Variants in PCDHA7 observed in about 807,000 individuals in gnomAD.
PCDHA7 encodes the protein protocadherin alpha-7.
A neutral mutation model predicts 57.2 loss-of-function variants in PCDHA7; 37 were observed. The observed-to-expected ratio is 0.65, with a 90% CI of 0.50 to 0.85. The LOEUF (loss-of-function observed/expected upper bound fraction) is 0.85, where lower values mean the gene tolerates loss of function less well. Among genes scored for constraint, PCDHA7 ranks in the 40% least tolerant of loss-of-function variants. The pLI is 0.00. For synonymous variants in PCDHA7, 553 were observed against 558.8 expected (o/e 0.99, Z 0.15); for missense variants, 1,188 against 1,241.8 (o/e 0.96, Z 0.65).
chr5:140,939,807 C>G (rs927084385), intron 1 of PCDHA7, among the ~76,000 whole-genome samples: 1 of 152,088 alleles, frequency 6.6e-6, no homozygotes, highest in African/African-American at 2.4e-5. Context: ...TCTGCATGTT[C>G]AAGAAAAAGC....
chr5:140,867,956 C>T (rs1581824842), intron 1 of PCDHA7: 1 of 151,940 alleles, frequency 6.6e-6, no homozygotes, highest in East Asian at 1.9e-4. Context: ...GCTCCCAAAC[C>T]CAAAATTCTT....
chr5:140,982,678 C>T (rs781968397), intron 3 of PCDHA7, 115 bp downstream of exon 3: 29 of 1,438,778 alleles, frequency 2.0e-5, no homozygotes, highest in Non-Finnish European at 2.6e-5. Context: ...TTTGTTATTC[C>T]CTTTTTTCCA....
intron 1 of PCDHA7, among the ~76,000 whole-genome samples, chr5:140,975,935 C>T (rs1351802479): frequency 6.6e-6 from 1 of 152,060 alleles, no homozygotes; most frequent in East Asian, 1.9e-4. Flanking sequence ...ACCTTTGAAG[C>T]AATAGGACAT....
chr5:140,898,035 TG>T (rs1376690690), intron 1 of PCDHA7, among the ~76,000 whole-genome samples: 1 of 152,120 alleles, frequency 6.6e-6, no homozygotes, highest in Non-Finnish European at 1.5e-5. Flanking sequence ...TTGATGGGGT[TG>T]TTTGTTTTTT....
At chr5:140,943,770 A>G (rs1290673049) in intron 1 of PCDHA7, among the ~76,000 whole-genome samples, 16 of 152,384 alleles carry the variant, frequency 1.0e-4, no homozygotes, top group African/African-American at 3.8e-4. Context: ...TAGGAAAAAA[A>G]CTAGGAAGTG....
intron 1 of PCDHA7, among the ~76,000 whole-genome samples, chr5:140,953,877 ACCCATCAC>A (rs1252251050): frequency 6.6e-6 from 1 of 152,098 alleles, no homozygotes; most frequent in Non-Finnish European, 1.5e-5. Context: ...GCACAGATCA[ACCCATCAC>A]CTAGGTATTA....
At chr5:140,908,662 G>C (rs1489476593) in intron 1 of PCDHA7, among the ~76,000 whole-genome samples, 4 of 152,114 alleles carry the variant, frequency 2.6e-5, no homozygotes, top group Non-Finnish European at 4.4e-5. Context: ...CCTGCCAAAG[G>C]CTCCAAATAG....
intron 1 of PCDHA7, among the ~76,000 whole-genome samples, chr5:140,917,128 C>T (rs2077898518): frequency 6.6e-6 from 1 of 152,044 alleles, no homozygotes; most frequent in Non-Finnish European, 1.5e-5. Flanking sequence ...GCAGACTCCC[C>T]ACGTTGCTCA....
At chr5:140,841,797 A>T in intron 1 of PCDHA7, 1 of 1,613,936 alleles carries the variant, frequency 6.2e-7, no homozygotes, top group Non-Finnish European at 8.5e-7. Flanking sequence ...GGCGCGTCCG[A>T]TGCAGATGTT....
chr5:140,917,333 G>T (rs1301739777), intron 1 of PCDHA7, among the ~76,000 whole-genome samples: 6 of 148,632 alleles, frequency 4.0e-5, no homozygotes, highest in East Asian at 2.0e-4. Context: ...GCGGGGGAGG[G>T]GGGGGATGGT....
At chr5:140,980,076 G>A (rs2096875671) in intron 2 of PCDHA7, among the ~76,000 whole-genome samples, 1 of 152,214 alleles carries the variant, frequency 6.6e-6, no homozygotes, top group South Asian at 2.1e-4. Flanking sequence ...AAGGGCTGAA[G>A]ATTAGTAGTT....
chr5:140,895,692 A>G (rs1367486030), intron 1 of PCDHA7, among the ~76,000 whole-genome samples: 1 of 152,138 alleles, frequency 6.6e-6, no homozygotes, highest in African/African-American at 2.4e-5. Flanking sequence ...CTGTTTCTAT[A>G]TTAATTCACT....
chr5:140,934,915 A>G (rs1324840546), intron 1 of PCDHA7, among the ~76,000 whole-genome samples: 3 of 152,132 alleles, frequency 2.0e-5, no homozygotes, highest in Non-Finnish European at 4.4e-5. Context: ...ATAATTATGG[A>G]TTCACATAAA....
At chr5:140,846,406 G>A (rs1191758509) in intron 1 of PCDHA7, among the ~76,000 whole-genome samples, 1 of 111,134 alleles carries the variant, frequency 9.0e-6, no homozygotes, top group Non-Finnish European at 1.7e-5. Flanking sequence ...ACGGAGTCTC[G>A]CTCTATCTCC....
rs143527239 is a variant in PCDHA7, at chr5:140,842,140, C to G, written c.2355+5402C>G. The G allele has an allele frequency of 5.6e-4, 901 of 1,613,016 alleles. 21 individuals are homozygous for G. Among genetic ancestry groups the G allele is most frequent in the Admixed American group, 4.6e-3 (273 of 59,984 alleles). On this transcript the variant is annotated intron_variant, in intron 1 of 3. Coordinates refer to ENST00000525929, the MANE Select transcript of PCDHA7 (RefSeq NM_018910.3). ...ATGCTTCTGATCCGGATGAAGGAGC[C>G]AATGGGGCAATTTCATATTCTTTTA...
At chr5:140,961,001 C>A (rs2095583358) in intron 1 of PCDHA7, among the ~76,000 whole-genome samples, 1 of 152,144 alleles carries the variant, frequency 6.6e-6, no homozygotes, top group Non-Finnish European at 1.5e-5. Context: ...CAATTTGCTG[C>A]TGGACTGCAT....
At position 140,857,203 on chromosome 5, in the gene PCDHA7, C is replaced by T. The variant is rs781954201; in HGVS notation, c.2355+20465C>T. 1.0e-5 allele frequency: 16 copies of T among 1,598,514 alleles called. 1 individual carries two copies. In the Admixed American group the frequency reaches 2.4e-4, roughly 24 times the overall value. On this transcript the variant is annotated intron_variant, in intron 1 of 3. Transcript: ENST00000525929. ...ATTCAGGAGCCAACGGACAGGTCAC[C>T]TGCTCTCTGACGCCTCACGTTCCGT...
chr5:140,836,387 G>A lies in PCDHA7; in HGVS notation c.2004G>A (p.Ser668=), dbSNP rs1435398883. The A allele has an allele frequency of 6.2e-6, 10 of 1,613,630 alleles. 1 individual carries two copies. The highest frequency in any genetic ancestry group is 7.6e-6 in the Non-Finnish European group (9 of 1,179,846). Residue 668 remains serine (S), a synonymous_variant, in exon 1 of 4, where the codon TCG becomes TCA. Transcript: ENST00000525929. ...SLTATATVLV[S]LVESGQAPKA... Reference sequence around the variant, plus strand: ...CAGCCACAGCCACCGTGCTGGTGTCGCTGGTGGAAAGCGGCCAGGCACCAA... The same window carrying A: ...CAGCCACAGCCACCGTGCTGGTGTCACTGGTGGAAAGCGGCCAGGCACCAA...
intron 1 of PCDHA7, among the ~76,000 whole-genome samples, chr5:140,881,688 T>C (rs2153380887): frequency 6.6e-6 from 1 of 152,368 alleles, no homozygotes; most frequent in Middle Eastern, 3.4e-3. Flanking sequence ...TATGTTTCCT[T>C]TTGGAGTCAA....
Sources: allele counts gnomAD v4.1 joint callset (sites outside exome capture counted in the v4.1 genomes callset), GRCh38; gene constraint gnomAD v4.1.1; transcripts MANE v1.5; gene names NCBI Gene and HGNC (gene_info 2026-07-23, HGNC 2026-07-21).